ORC5: variants seen among roughly 807,000 people sequenced by gnomAD.
ORC5 encodes protein phosphatase 1, regulatory subunit 117.
A neutral mutation model predicts 58.8 loss-of-function variants in ORC5; 39 were observed. The ratio of observed to expected loss-of-function variants is 0.66; its 90% confidence interval spans 0.51 to 0.87. The LOEUF (loss-of-function observed/expected upper bound fraction) is 0.87, where lower values mean the gene tolerates loss of function less well. Ranked by LOEUF, ORC5 falls within the 40% of genes least tolerant of loss-of-function variation. ORC5 has a pLI of 0.00. For missense variants in ORC5, 493 were observed against 506.3 expected (o/e 0.97, Z 0.25); for synonymous variants, 218 against 177.6 (o/e 1.23, Z -1.81).
chr7:104,196,043 C>G (rs546777417), intron 4 of ORC5, among the ~76,000 whole-genome samples: 6 of 152,244 alleles, frequency 3.9e-5, no homozygotes, highest in Middle Eastern at 3.4e-3. Flanking sequence ...AAAAATCAAG[C>G]ATGTTTGCAG....
At chr7:104,134,936 A>G (rs769365773) in intron 13 of ORC5, among the ~76,000 whole-genome samples, 4 of 152,134 alleles carry the variant, frequency 2.6e-5, no homozygotes, top group Non-Finnish European at 5.9e-5. Context: ...GGAACAGTAA[A>G]GAAAACAAAA....
At chr7:104,145,282 G>GA (rs1336296982) in intron 12 of ORC5, among the ~76,000 whole-genome samples, 1 of 152,108 alleles carries the variant, frequency 6.6e-6, no homozygotes, top group Non-Finnish European at 1.5e-5. Context: ...GTGACTTAGA[G>GA]AAAAGAGATA....
At chr7:104,162,595 TTACC>T (rs1362993599) in intron 11 of ORC5, among the ~76,000 whole-genome samples, 3 of 152,242 alleles carry the variant, frequency 2.0e-5, no homozygotes, top group Non-Finnish European at 2.9e-5. Flanking sequence ...AATGAAGTTT[TTACC>T]TCGGCTAGAA....
At position 104,184,168 on chromosome 7, in the gene ORC5, C is replaced by G. The variant is rs915943466; in HGVS notation, c.688G>C (p.Val230Leu). 5.1e-6 allele frequency: 8 copies of G among 1,554,160 alleles called. No individual in the cohort carries two copies. In the African/African-American group the frequency reaches 9.7e-5, roughly 19 times the overall value. Residue 230 changes from valine (V) to leucine (L), a missense_variant, in exon 7 of 14, where the codon GTA (valine) becomes CTA (leucine). Coordinates refer to ENST00000297431, the MANE Select transcript of ORC5 (RefSeq NM_002553.4). ...TCACAATATTTAGGAAAATTAAGTACTGCCTGTAAGTAAAGAAAAAAAAAG... is the reference window on the plus strand; with the variant it reads ...TCACAATATTTAGGAAAATTAAGTAGTGCCTGTAAGTAAAGAAAAAAAAAG... Reference protein sequence around the residue: ...RDLKELRHLAVLNFPKYCEPV... With the variant: ...RDLKELRHLALLNFPKYCEPV...
intron 12 of ORC5, among the ~76,000 whole-genome samples, chr7:104,157,267 C>A (rs999758338): frequency 6.6e-6 from 1 of 151,944 alleles, no homozygotes; most frequent in Middle Eastern, 3.4e-3. Flanking sequence ...ACTGACCAAG[C>A]AAAAGTAAAG....
At chr7:104,181,595 C>T (rs1474435301) in intron 8 of ORC5, among the ~76,000 whole-genome samples, 2 of 151,812 alleles carry the variant, frequency 1.3e-5, no homozygotes, top group Non-Finnish European at 2.9e-5. Context: ...ACCATCCTGG[C>T]TAACACGGTG....
At chr7:104,193,651 A>G (rs1178786144) in intron 5 of ORC5, among the ~76,000 whole-genome samples, 1 of 151,938 alleles carries the variant, frequency 6.6e-6, no homozygotes. Context: ...ACACTTAACC[A>G]TAATTTCAAC....
intron 12 of ORC5, among the ~76,000 whole-genome samples, chr7:104,140,395 A>G (rs1458667992): frequency 6.6e-6 from 1 of 151,412 alleles, no homozygotes; most frequent in Non-Finnish European, 1.5e-5. Flanking sequence ...TTTTACTTTC[A>G]CTACCTTGTA....
At chr7:104,130,015 T>C (rs2115724645) in intron 13 of ORC5, among the ~76,000 whole-genome samples, 1 of 152,332 alleles carries the variant, frequency 6.6e-6, no homozygotes, top group Admixed American at 6.5e-5. Context: ...GGATACTATT[T>C]TGTTTCCTTT....
chr7:104,136,651 A>T lies in ORC5; in HGVS notation c.1262+130T>A. 1 of 607,914 alleles carries T rather than the reference A, an allele frequency of 1.6e-6. No individual in the cohort carries two copies. 37.7% of individuals were successfully genotyped at this position (607,914 alleles called of 1,614,324 possible). ...AATTTGAGAAGGTTCATTCTATCGT[A>T]CAGCTTATTCATTCTTGGCACTTAA... On this transcript the variant is annotated intron_variant, in intron 13 of 13. Coordinates refer to ENST00000297431, the MANE Select transcript of ORC5 (RefSeq NM_002553.4). The surrounding 1 kb of genome is among the most constrained non-coding windows in gnomAD (Gnocchi z 4.2).
intron 12 of ORC5, among the ~76,000 whole-genome samples, chr7:104,142,516 C>T (rs1438358435): frequency 1.3e-5 from 2 of 151,684 alleles, no homozygotes; most frequent in East Asian, 3.9e-4. Flanking sequence ...ATAATAGAAA[C>T]AAAATTATAT....
chr7:104,155,249 G>T (rs1411176270), intron 12 of ORC5, among the ~76,000 whole-genome samples: 1 of 151,276 alleles, frequency 6.6e-6, no homozygotes, highest in African/African-American at 2.4e-5. Flanking sequence ...AAACAGAAAA[G>T]GTATATATTT....
At chr7:104,168,137 A>ATG in intron 9 of ORC5, 1 of 419,204 alleles carries the variant, frequency 2.4e-6, no homozygotes, top group South Asian at 9.8e-5. Context: ...ATTTTATTCC[A>ATG]TAAAACTCAT....
chr7:104,179,866 C>G (rs1400040810), intron 8 of ORC5, among the ~76,000 whole-genome samples: 1 of 152,164 alleles, frequency 6.6e-6, no homozygotes, highest in East Asian at 1.9e-4. Context: ...GAAAGTACAC[C>G]TTTAATCTTG....
At chr7:104,168,784 C>G (rs1266361233) in intron 8 of ORC5, among the ~76,000 whole-genome samples, 15 of 152,030 alleles carry the variant, frequency 9.9e-5, no homozygotes, top group East Asian at 1.9e-4. Context: ...TTGTAGCTAT[C>G]AAAAAACTTC....
In ORC5 at chr7:104,152,857, A is replaced by G. The variant is rs60309490; in HGVS notation, c.1149+8215T>C. On this transcript the variant is annotated intron_variant, in intron 12 of 13. Transcript: ENST00000297431. ...TATTTTATACAAAAGTAGAAAGCAT[A>G]ATTTATGCAATTTTTTAAATCCCTT... Among the ~76,000 whole-genome samples the G allele has an allele frequency of 2.6e-4, 40 of 152,274 alleles. No individual in the cohort carries two copies. In the East Asian group the frequency reaches 7.3e-3, roughly 28 times the overall value.
intron 8 of ORC5, among the ~76,000 whole-genome samples, chr7:104,178,108 A>G (rs531301299): frequency 6.6e-6 from 1 of 152,154 alleles, no homozygotes; most frequent in Non-Finnish European, 1.5e-5. Flanking sequence ...GCTGGGTCAA[A>G]TGGTATTTCT....
chr7:104,198,859 C>T (rs1018914501), intron 3 of ORC5, among the ~76,000 whole-genome samples: 1 of 152,202 alleles, frequency 6.6e-6, no homozygotes, highest in Non-Finnish European at 1.5e-5. Flanking sequence ...GTTTTGTGGG[C>T]CAGGGCCTTG....
intron 8 of ORC5, among the ~76,000 whole-genome samples, chr7:104,171,863 A>AAAAAAAC (rs1799218044): frequency 2.0e-5 from 3 of 151,950 alleles, no homozygotes; most frequent in African/African-American, 7.3e-5. Context: ...TCAAAAAAAC[A>AAAAAAAC]AAAAAACAAA....
Sources: allele counts gnomAD v4.1 joint callset (sites outside exome capture counted in the v4.1 genomes callset), GRCh38; gene constraint gnomAD v4.1.1; non-coding constraint Gnocchi (gnomAD v3.1); transcripts MANE v1.5; gene names NCBI Gene and HGNC (gene_info 2026-07-23, HGNC 2026-07-21).